The following SMIM14 variants were observed in gnomAD, a reference collection of about 807,000 sequenced individuals.
The protein encoded by SMIM14 is small integral membrane protein 14.
SMIM14 carries 5 observed loss-of-function variants against 12.6 expected under a neutral mutation model. The ratio of observed to expected loss-of-function variants is 0.40; its 90% CI spans 0.21 to 0.83. The LOEUF (loss-of-function observed/expected upper bound fraction) is 0.83, where lower values mean the gene tolerates loss of function less well. Among genes scored for constraint, SMIM14 ranks in the 40% least tolerant of loss-of-function variants. The pLI, the probability that SMIM14 is intolerant of heterozygous loss-of-function variation, is 0.37. For synonymous variants in SMIM14, 30 were observed against 40.1 expected, an observed-to-expected ratio of 0.75 and a Z score of 0.95; for missense variants, 86 against 119.1, an observed-to-expected ratio of 0.72 and a Z score of 1.29.
intron 2 of SMIM14, chr4:39,594,847 C>T (rs1196335298): frequency 6.6e-6 from 1 of 151,906 alleles, no homozygotes; most frequent in East Asian, 1.9e-4. Flanking sequence ...ATCAAAACCA[C>T]AATGAGATAC....
intron 2 of SMIM14, among the ~76,000 whole-genome samples, chr4:39,577,541 C>A (rs1245664815): frequency 6.6e-6 from 1 of 151,784 alleles, no homozygotes; most frequent in African/African-American, 2.4e-5. Context: ...GATTCTCCTG[C>A]CTCAGCCTCC....
At chr4:39,596,041 C>A (rs984056392) in intron 2 of SMIM14, among the ~76,000 whole-genome samples, 1 of 152,096 alleles carries the variant, frequency 6.6e-6, no homozygotes, top group South Asian at 2.1e-4. Context: ...GAGTATGCCT[C>A]CTGCTCCTTC....
intron 3 of SMIM14, among the ~76,000 whole-genome samples, chr4:39,571,057 A>G (rs1423127321): frequency 6.6e-6 from 1 of 152,128 alleles, no homozygotes; most frequent in Non-Finnish European, 1.5e-5. Flanking sequence ...TATCCTGAAA[A>G]AAGATGTGTC....
intron 3 of SMIM14, among the ~76,000 whole-genome samples, 185 bp downstream of exon 3, chr4:39,572,230 A>T (rs1446705019): frequency 6.8e-6 from 1 of 148,132 alleles, no homozygotes; most frequent in Non-Finnish European, 1.5e-5. Flanking sequence ...CCATTTTCTT[A>T]TTAAAGAGCA....
chr4:39,593,690 C>A (rs551830441), intron 2 of SMIM14: 1 of 151,530 alleles, frequency 6.6e-6, no homozygotes, highest in Non-Finnish European at 1.5e-5. Context: ...AGCTGATAAG[C>A]AACTTCAGCA....
In SMIM14 at chr4:39,581,888, T is replaced by G. The variant is rs1372632352; in HGVS notation, c.76-9425A>C. ...AATGTCTTTTCTTTTTTTTTTTTTT[T>G]GAGACTGAGTTTCACTCTTGTTGCC... is the stretch of plus-strand genomic sequence containing the variant. On this transcript the variant is annotated intron_variant, in intron 2 of 4. Coordinates refer to ENST00000295958, the MANE Select transcript of SMIM14 (RefSeq NM_174921.3). Among the ~76,000 whole-genome samples, 30 of 144,802 alleles carry G rather than the reference T, an allele frequency of 2.1e-4. No homozygotes were observed. In the Admixed American group the frequency reaches 2.2e-3, roughly 11 times the overall value. 95.0% of individuals were successfully genotyped at this position (144,802 alleles called of 152,430 possible). A position where few individuals can be genotyped will look rare whatever the true frequency, so the allele number is the denominator to read the frequency against.
intron 1 of SMIM14, chr4:39,612,183 T>C (rs1297247075): frequency 1.3e-5 from 2 of 152,178 alleles, no homozygotes. Context: ...CAGAAAACTC[T>C]GAAAGTAAAT....
intron 3 of SMIM14, among the ~76,000 whole-genome samples, chr4:39,566,618 A>G (rs1006013644): frequency 6.6e-6 from 1 of 151,814 alleles, no homozygotes; most frequent in African/African-American, 2.4e-5. Context: ...GGATCACCTG[A>G]GGTCAGGAGT....
At chr4:39,601,111 TAA>T (rs1714594595) in intron 2 of SMIM14, among the ~76,000 whole-genome samples, 1 of 152,156 alleles carries the variant, frequency 6.6e-6, no homozygotes, top group African/African-American at 2.4e-5. Flanking sequence ...GAAAAGGAAC[TAA>T]TAATAAAATC....
At chr4:39,566,448 A>G (rs145292667) in intron 3 of SMIM14, among the ~76,000 whole-genome samples, 7 of 152,292 alleles carry the variant, frequency 4.6e-5, no homozygotes, top group Non-Finnish European at 8.8e-5. Flanking sequence ...AGAAAAGGAA[A>G]TAATCCAGGG....
At chr4:39,573,437 A>G (rs1308577790) in intron 2 of SMIM14, among the ~76,000 whole-genome samples, 1 of 152,162 alleles carries the variant, frequency 6.6e-6, no homozygotes, top group Admixed American at 6.6e-5. Flanking sequence ...CACAGAACGT[A>G]TCTTCAAAAT....
rs145877794 is a variant in SMIM14, at chr4:39,612,792, G to C, written c.-35-7612C>G. 2.0e-3 allele frequency among the ~76,000 whole-genome samples: 305 copies of C among 152,290 alleles called. 1 individual carries two copies. The highest frequency in any genetic ancestry group is 7.0e-3 in the African/African-American group (290 of 41,566). The stretch of plus-strand genomic sequence containing the variant: ...ATTTTTGTATTTTTGGTAGAGACGA[G>C]GTTTTGCCATTTGCCCAGGTTGGTC... On this transcript the variant is annotated intron_variant, in intron 1 of 4. Transcript: ENST00000295958.
At chr4:39,560,228 A>G (rs988683470) in intron 3 of SMIM14, among the ~76,000 whole-genome samples, 1 of 150,494 alleles carries the variant, frequency 6.6e-6, no homozygotes, top group Non-Finnish European at 1.5e-5. Context: ...CTTTTTCTTT[A>G]TATCAACAGT....
rs1326542438 is a variant in SMIM14 at position 39,589,880 on chromosome 4, A to G, written c.75+15191T>C. Among the ~76,000 whole-genome samples the G allele has an allele frequency of 3.3e-5, 5 of 151,888 alleles. No individual in the cohort carries two copies. In the South Asian group the frequency reaches 8.3e-4, roughly 25 times the overall value. On this transcript the variant is annotated intron_variant, in intron 2 of 4. Coordinates refer to ENST00000295958, the MANE Select transcript of SMIM14 (RefSeq NM_174921.3). ...ACATAGTGAAACCGTCTCTACTAAA[A>G]ATACAAAAAATTAGCCGGGTGTGGT...
chr4:39,635,497 C>T (rs553014718), intron 1 of SMIM14, among the ~76,000 whole-genome samples: 194 of 152,186 alleles, frequency 1.3e-3, no homozygotes, highest in Non-Finnish European at 2.2e-3. Flanking sequence ...CCAGGAGTTG[C>T]TGCAACAGAT....
intron 2 of SMIM14, among the ~76,000 whole-genome samples, chr4:39,599,933 C>CAAAAAAAAAAAA (rs56285045): frequency 1.6e-4 from 18 of 115,054 alleles, no homozygotes; most frequent in African/African-American, 2.3e-4. Flanking sequence ...AAAACAACAA[C>CAAAAAAAAAAAA]AAAAAAAAAA....
intron 1 of SMIM14, among the ~76,000 whole-genome samples, chr4:39,630,242 TAATA>T (rs1715850900): frequency 6.6e-6 from 1 of 152,040 alleles, no homozygotes; most frequent in African/African-American, 2.4e-5. Flanking sequence ...CAAAAAACTT[TAATA>T]ATTAGCCAGG....
At chr4:39,626,943 T>C (rs1420652398) in intron 1 of SMIM14, among the ~76,000 whole-genome samples, 1 of 152,182 alleles carries the variant, frequency 6.6e-6, no homozygotes, top group African/African-American at 2.4e-5. Flanking sequence ...CCTTAGTCTA[T>C]TGGGATGCTT....
chr4:39,584,034 G>A (rs1713651834), intron 2 of SMIM14: 1 of 151,938 alleles, frequency 6.6e-6, no homozygotes, highest in Admixed American at 6.6e-5. Flanking sequence ...TTTTTTTAAT[G>A]ATGAAATACA....
Sources: gnomAD v4.1 joint callset for allele counts (sites outside exome capture counted in the v4.1 genomes callset) on GRCh38, gnomAD v4.1.1 for gene constraint, MANE v1.5 for transcripts, NCBI Gene and HGNC (gene_info 2026-07-23, HGNC 2026-07-21) for gene names.